FEZ1: variants seen among roughly 807,000 people sequenced by gnomAD.
The protein encoded by FEZ1 is fasciculation and elongation protein zeta 1.
In FEZ1, 20 loss-of-function variants were observed where a neutral mutation model predicts 49.3. The ratio of observed to expected loss-of-function variants is 0.41; its 90% CI spans 0.29 to 0.59. The LOEUF (loss-of-function observed/expected upper bound fraction) is 0.59. Among genes scored for constraint, FEZ1 ranks in the 20% least tolerant of loss-of-function variants. The pLI is 0.36. For missense variants in FEZ1, 413 were observed against 476.0 expected (o/e 0.87, Z 1.23); for synonymous variants, 170 against 180.9 (o/e 0.94, Z 0.48).
intron 3 of FEZ1, among the ~76,000 whole-genome samples, chr11:125,472,069 G>A (rs1957188705): frequency 6.6e-6 from 1 of 152,032 alleles, no homozygotes; most frequent in Middle Eastern, 3.2e-3. Flanking sequence ...TTAATTGAAT[G>A]ATGAAAACAT....
chr11:125,478,845 G>A lies in FEZ1; in HGVS notation c.411+2689C>T, dbSNP rs1957255504. Among the ~76,000 whole-genome samples the A allele has an allele frequency of 2.0e-5, 3 of 152,312 alleles. No homozygotes were observed. The South Asian group carries it at 6.2e-4, about 32-fold the overall frequency. ...GGATAAATTAAAGCCCTTTTGAAGG[G>A]CAGGCTATCTTATATATCCTTTGGC... is the stretch of plus-strand genomic sequence containing the variant. On this transcript the variant is annotated intron_variant, in intron 3 of 9. Coordinates refer to ENST00000278919, the MANE Select transcript of FEZ1 (RefSeq NM_005103.5).
Position 125,454,132 on chromosome 11 carries a change from G to C in FEZ1, c.1018C>G (p.Gln340Glu). Reference sequence around the variant, plus strand: ...TGGAGCAGGGAGACTACGCGTACCTGTTTGTCAGTTCCTGAGGAGCCAAAG... The same window carrying C: ...TGGAGCAGGGAGACTACGCGTACCTCTTTGTCAGTTCCTGAGGAGCCAAAG... ...QTFGSSGTDK[Q>E]YLNTVIPYEK... Residue 340 changes from glutamine (Q) to glutamate (E), a missense_variant and splice_region_variant, in exon 7 of 10, where the codon CAG (glutamine) becomes GAG (glutamate). By Grantham distance (29) the Gln-to-Glu change is conservative. Transcript: ENST00000278919. The C allele has an allele frequency of 6.2e-7, 1 of 1,612,066 alleles. No individual in the cohort carries two copies. Among genetic ancestry groups the C allele is most frequent in the Middle Eastern group, 1.7e-4 (1 of 6,050 alleles).
chr11:125,450,535 G>A (rs541845557), intron 8 of FEZ1, among the ~76,000 whole-genome samples: 13 of 152,286 alleles, frequency 8.5e-5, no homozygotes, highest in Non-Finnish European at 1.6e-4. Flanking sequence ...CTGGTCTTTG[G>A]CCTATGTACT....
chr11:125,459,922 C>T (rs571259394), intron 5 of FEZ1, among the ~76,000 whole-genome samples: 2 of 152,138 alleles, frequency 1.3e-5, no homozygotes, highest in African/African-American at 4.8e-5. Context: ...CATGGCGAAA[C>T]CTCGTCTCTA....
intron 3 of FEZ1, among the ~76,000 whole-genome samples, chr11:125,475,981 T>A (rs776641635): frequency 2.6e-5 from 4 of 152,236 alleles, no homozygotes; most frequent in Non-Finnish European, 5.9e-5. Context: ...AGAAATGAAC[T>A]GTTGCTATAC....
chr11:125,463,338 C>T, intron 4 of FEZ1, 146 bp downstream of exon 4: 1 of 570,050 alleles, frequency 1.8e-6, no homozygotes, highest in Admixed American at 3.1e-5. Flanking sequence ...AAAAAAGAAA[C>T]AAAAAATACT....
intron 5 of FEZ1, among the ~76,000 whole-genome samples, chr11:125,459,279 A>T (rs1302818066): frequency 6.6e-6 from 1 of 152,038 alleles, no homozygotes; most frequent in Non-Finnish European, 1.5e-5. Context: ...ATCCTGGTTT[A>T]GTGCTTATTC....
At position 125,495,705 on chromosome 11, in the gene FEZ1, C is replaced by T; in HGVS notation, c.-46+416G>A. ...GGGACGAGGTACCGACCCACTGCCC[C>T]AGCGCGATCGGGCGGCGTTCCCTTC... On this transcript the variant is annotated intron_variant, in intron 1 of 9. Transcript: ENST00000278919. The surrounding 1 kb of genome is among the most constrained non-coding windows in gnomAD (Gnocchi z 4.2). 1 of 360,044 alleles carries T rather than the reference C, an allele frequency of 2.8e-6. No individual in the cohort carries two copies. Among genetic ancestry groups the T allele is most frequent in the Admixed American group, 3.6e-5 (1 of 27,914 alleles). 22.3% of individuals were successfully genotyped at this position (360,044 alleles called of 1,614,324 possible).
Position 125,456,054 on chromosome 11 carries a change from C to G in FEZ1, c.720G>C (p.Glu240Asp). The change falls in exon 6 of 10, where the codon GAG (glutamate) becomes GAC (aspartate). Residue 240 changes from glutamate to aspartate, a missense_variant. By Grantham distance (45) the Glu-to-Asp change is conservative (BLOSUM62 2). Coordinates refer to ENST00000278919, the MANE Select transcript of FEZ1 (RefSeq NM_005103.5). ...CCTCCGAGAAGTCACGGATGGCACCCTCCACCTGGTCCAGCAGCTCGGTCA... is the reference window on the plus strand; with the variant it reads ...CCTCCGAGAAGTCACGGATGGCACCGTCCACCTGGTCCAGCAGCTCGGTCA... ...SELTELLDQV[E>D]GAIRDFSEEL... The G allele has an allele frequency of 1.9e-6, 3 of 1,611,780 alleles. No individual in the cohort carries two copies. Among genetic ancestry groups the G allele is most frequent in the Non-Finnish European group, 2.5e-6 (3 of 1,179,458 alleles).
At chr11:125,449,243 G>T (rs1956927334) in intron 8 of FEZ1, among the ~76,000 whole-genome samples, 1 of 145,554 alleles carries the variant, frequency 6.9e-6, no homozygotes, top group African/African-American at 2.5e-5. Context: ...ATGAGGTTTT[G>T]CCATGTTGCC....
At chr11:125,455,027 A>G (rs1219802378) in intron 6 of FEZ1, among the ~76,000 whole-genome samples, 4 of 151,182 alleles carry the variant, frequency 2.6e-5, no homozygotes, top group East Asian at 1.9e-4. Context: ...AAAAAAAAAA[A>G]AAAGAAAAAA....
Position 125,495,889 on chromosome 11 carries a change from C to T in FEZ1, c.-46+232G>A, listed in dbSNP as rs1039452919. 3.5e-6 allele frequency: 1 copy of T among 285,380 alleles called. No individual in the cohort carries two copies. Among genetic ancestry groups the T allele is most frequent in the Non-Finnish European group, 6.8e-6 (1 of 146,034 alleles). The allele number at this position is 285,380 out of a possible 1,614,324, so 17.7% of individuals were successfully genotyped here. The stretch of plus-strand genomic sequence containing the variant: ...ATGATACTGGAAGTGCCCATCATCC[C>T]ACATCTCCAGGGCCTGGCGCGGCGT... On this transcript the variant is annotated intron_variant, in intron 1 of 9. Coordinates refer to ENST00000278919, the MANE Select transcript of FEZ1 (RefSeq NM_005103.5). This position sits in a 1 kb window ranked among gnomAD's most constrained non-coding sequence, Gnocchi z 4.2.
intron 3 of FEZ1, among the ~76,000 whole-genome samples, chr11:125,466,488 A>T (rs921914420): frequency 1.4e-4 from 20 of 145,398 alleles, no homozygotes; most frequent in African/African-American, 5.0e-4. Flanking sequence ...GATCCTGTCT[A>T]AAAAAAAAAA....
chr11:125,494,119 A>G (rs2135797045), intron 1 of FEZ1, among the ~76,000 whole-genome samples: 1 of 152,390 alleles, frequency 6.6e-6, no homozygotes, highest in Middle Eastern at 3.4e-3. Context: ...TCCAAGAGCC[A>G]AGAAGTGCTG....
At chr11:125,473,785 C>G (rs1957203198) in intron 3 of FEZ1, among the ~76,000 whole-genome samples, 1 of 147,320 alleles carries the variant, frequency 6.8e-6, no homozygotes, top group East Asian at 2.0e-4. Context: ...AGTCACTGCA[C>G]TCCAGCCTGG....
At chr11:125,468,770 C>T (rs1159853463) in intron 3 of FEZ1, among the ~76,000 whole-genome samples, 1 of 152,160 alleles carries the variant, frequency 6.6e-6, no homozygotes, top group Non-Finnish European at 1.5e-5. Context: ...ACAGCAGATA[C>T]TGAATGGCTC....
intron 5 of FEZ1, chr11:125,456,314 T>C (rs1259646129): frequency 2.7e-5 from 12 of 441,960 alleles, no homozygotes; most frequent in Non-Finnish European, 3.9e-5. Context: ...AGAACACCCC[T>C]CTCAGGAAAC....
intron 4 of FEZ1, 36 bp from the exon 5 acceptor site, chr11:125,460,702 C>A (rs1320923152): frequency 6.3e-7 from 1 of 1,591,798 alleles, no homozygotes; most frequent in East Asian, 2.2e-5. Context: ...TAACTCTGTT[C>A]TCTGCTAGAG....
chr11:125,479,007 G>A (rs1406708873), intron 3 of FEZ1, among the ~76,000 whole-genome samples: 1 of 152,106 alleles, frequency 6.6e-6, no homozygotes, highest in Non-Finnish European at 1.5e-5. Context: ...TGCGGTTTGG[G>A]TAAGTACTAA....
Sources: allele counts gnomAD v4.1 joint callset (sites outside exome capture counted in the v4.1 genomes callset), GRCh38; gene constraint gnomAD v4.1.1; non-coding constraint Gnocchi (gnomAD v3.1); transcripts MANE v1.5; gene names NCBI Gene and HGNC (gene_info 2026-07-23, HGNC 2026-07-21).